CDKN2A: variants seen among roughly 807,000 people sequenced by gnomAD.
CDKN2A encodes the protein cyclin dependent kinase inhibitor 2A.
In CDKN2A, 3 loss-of-function variants were observed where a neutral mutation model predicts 11.1. That is an observed-to-expected ratio of 0.27 (90% confidence interval 0.12 to 0.70). The LOEUF is 0.70. CDKN2A is among the 30% of genes least tolerant of loss of function. CDKN2A has a pLI of 0.77. For missense variants in CDKN2A, 265 were observed against 233.6 expected, an observed-to-expected ratio of 1.13 and a Z score of -0.88; for synonymous variants, 122 against 108.1, an observed-to-expected ratio of 1.13 and a Z score of -0.80.
At chr9:21,979,695 T>TA (rs1484632962), upstream of CDKN2A, among the ~76,000 whole-genome samples, 4 of 152,206 alleles carry the variant, frequency 2.6e-5, no homozygotes, top group Middle Eastern at 3.4e-3. Context: ...AGTTTGAGAA[T>TA]CGTAAAGGTT....
chr9:21,972,398 A>AT (rs1189851544), intron 1 of CDKN2A, among the ~76,000 whole-genome samples: 1 of 152,208 alleles, frequency 6.6e-6, no homozygotes, highest in Non-Finnish European at 1.5e-5. Context: ...AAGTGTTTTT[A>AT]TTAGAGGGTC....
rs890179220 is a variant in CDKN2A at position 21,971,274 on chromosome 9, T to C, written c.151-66A>G. 3.4e-5 allele frequency: 52 copies of C among 1,551,970 alleles called. No homozygotes were observed. The highest frequency in any genetic ancestry group is 4.4e-5 in the Non-Finnish European group (51 of 1,156,720). On this transcript the variant is annotated intron_variant, in intron 1 of 2. Coordinates refer to ENST00000304494, the MANE Select transcript of CDKN2A (RefSeq NM_000077.5). Reference sequence around the variant, plus strand: ...CGGCATGACGGAAAGGAAGCTTGTGTAGAGCCCCCTCACCGCCAAGCAGAC... The same window carrying C: ...CGGCATGACGGAAAGGAAGCTTGTGCAGAGCCCCCTCACCGCCAAGCAGAC...
chr9:21,974,831 G>A lies in CDKN2A; in HGVS notation c.-4C>T, dbSNP rs2131114349. Reference sequence around the variant, plus strand: ...TGCTCCCCGCCGCCGGCTCCATGCTGCTCCCCGCCGCCCGCTGCCTGCTCT... The same window carrying A: ...TGCTCCCCGCCGCCGGCTCCATGCTACTCCCCGCCGCCCGCTGCCTGCTCT... On this transcript the variant is annotated 5_prime_UTR_variant, in exon 1 of 3. Coordinates refer to ENST00000304494, the MANE Select transcript of CDKN2A (RefSeq NM_000077.5). The surrounding 1 kb of genome is among the most constrained non-coding windows in gnomAD (Gnocchi z 5.2). 6.3e-7 allele frequency: 1 copy of A among 1,581,160 alleles called. No individual in the cohort carries two copies. The highest frequency in any genetic ancestry group is 1.8e-5 in the Admixed American group (1 of 56,494).
chr9:21,976,725 A>AAAAGAAAG (rs369840404), upstream of CDKN2A, among the ~76,000 whole-genome samples: 1 of 152,090 alleles, frequency 6.6e-6, no homozygotes, highest in Admixed American at 6.6e-5. Flanking sequence ...TCTCAAGAAA[A>AAAAGAAAG]AAAGAAAGAA....
At chr9:21,973,910 A>G (rs1209887548) in intron 1 of CDKN2A, among the ~76,000 whole-genome samples, 1 of 151,956 alleles carries the variant, frequency 6.6e-6, no homozygotes, top group Non-Finnish European at 1.5e-5. Flanking sequence ...CTTTCTTTCG[A>G]CAAAGTCTCA....
chr9:21,978,329 T>C (rs545900373), upstream of CDKN2A, among the ~76,000 whole-genome samples: 14 of 152,114 alleles, frequency 9.2e-5, no homozygotes, highest in Admixed American at 3.3e-4. Context: ...ACTTTCCTAG[T>C]TTTTCTGTTA....
In CDKN2A at chr9:21,994,306, A is replaced by T. The variant is rs876659353; in HGVS notation, c.-175-253T>A. On this transcript the variant is annotated intron_variant, in intron 1 of 3. Transcript: ENST00000494262. ...CGGGCCGCACGCGCGCCGAATCCGG[A>T]GGGTCACCAAGAACCTGCGCACCAT... 1 of 1,604,716 alleles carries T rather than the reference A, an allele frequency of 6.2e-7. No individual in the cohort carries two copies. The highest frequency in any genetic ancestry group is 8.5e-7 in the Non-Finnish European group (1 of 1,176,408).
At chr9:21,971,505 G>A in intron 1 of CDKN2A, 1 of 530,730 alleles carries the variant, frequency 1.9e-6, no homozygotes, top group Non-Finnish European at 3.1e-6. Flanking sequence ...TTTACTCCAG[G>A]CTAACTTCCT....
At chr9:21,980,733 G>A (rs1185194329) in intron 2 of CDKN2A, among the ~76,000 whole-genome samples, 1 of 151,510 alleles carries the variant, frequency 6.6e-6, no homozygotes, top group Non-Finnish European at 1.5e-5. Context: ...GCCGAGGCGG[G>A]CGGATCACGA....
upstream of CDKN2A, chr9:21,974,991 G>T: frequency 7.2e-7 from 1 of 1,389,144 alleles, no homozygotes; most frequent in Non-Finnish European, 9.3e-7. This position sits in a 1 kb window ranked among gnomAD's most constrained non-coding sequence, Gnocchi z 5.2. Context: ...TGGAGGGACC[G>T]CGGTATCTTT....
rs1272377993 is a variant in CDKN2A at position 21,988,774 on chromosome 9, C to A, written c.-4+5108G>T. Reference sequence around the variant, plus strand: ...TAAATAAAAGTTGAAAAAAAATCTACGAGGCACTATATTTTTAAAAATACC... The same window carrying A: ...TAAATAAAAGTTGAAAAAAAATCTAAGAGGCACTATATTTTTAAAAATACC... On this transcript the variant is annotated intron_variant, in intron 2 of 3. Coordinates refer to the CDKN2A transcript ENST00000494262. This position sits in a 1 kb window ranked among gnomAD's most constrained non-coding sequence, Gnocchi z 4.1. 6.6e-6 allele frequency among the ~76,000 whole-genome samples: 1 copy of A among 152,082 alleles called. No individual in the cohort carries two copies. Among genetic ancestry groups the A allele is most frequent in the African/African-American group, 2.4e-5 (1 of 41,416 alleles).
upstream of CDKN2A, among the ~76,000 whole-genome samples, chr9:21,978,984 C>G (rs1820108788): frequency 6.6e-6 from 1 of 152,142 alleles, no homozygotes. Flanking sequence ...ATGTAACGCT[C>G]TTAGAAGAGC....
upstream of CDKN2A, among the ~76,000 whole-genome samples, chr9:21,978,265 A>AAAT (rs1196884286): frequency 6.6e-6 from 1 of 151,998 alleles, no homozygotes; most frequent in Non-Finnish European, 1.5e-5. Context: ...CTTAAAGTAT[A>AAAT]AATAATAATA....
intron 1 of CDKN2A, among the ~76,000 whole-genome samples, chr9:21,972,670 C>A (rs1158971974): frequency 6.6e-6 from 1 of 152,168 alleles, no homozygotes; most frequent in East Asian, 1.9e-4. Context: ...TAAAACACTT[C>A]CCAGGTTTAT....
In CDKN2A at chr9:21,988,823, T is replaced by C. The variant is rs1820359939; in HGVS notation, c.-4+5059A>G. Among the ~76,000 whole-genome samples, 1 of 152,256 alleles carries C rather than the reference T, an allele frequency of 6.6e-6. No individual in the cohort carries two copies. The highest frequency in any genetic ancestry group is 6.5e-5 in the Admixed American group (1 of 15,280). On this transcript the variant is annotated intron_variant, in intron 2 of 3. Transcript: ENST00000494262. This position sits in a 1 kb window ranked among gnomAD's most constrained non-coding sequence, Gnocchi z 4.1. ...CCACTATGTACAAGGCACTGTGCTA[T>C]ATCTGGAACTACAAATATTAGTTAA... is the stretch of plus-strand genomic sequence containing the variant.
intron 1 of CDKN2A, chr9:21,994,493 G>T (rs1259411175): frequency 1.3e-5 from 18 of 1,426,890 alleles, no homozygotes; most frequent in Non-Finnish European, 1.6e-5. Flanking sequence ...CCCTGAGCGC[G>T]CCCGCCCCCC....
intron 2 of CDKN2A, among the ~76,000 whole-genome samples, chr9:21,982,621 A>T (rs1820219759): frequency 6.6e-6 from 1 of 152,100 alleles, no homozygotes; most frequent in Non-Finnish European, 1.5e-5. Flanking sequence ...TATGTATATT[A>T]TGTACAGCAC....
At position 21,988,910 on chromosome 9, in the gene CDKN2A, C is replaced by G. The variant is rs1444846867; in HGVS notation, c.-4+4972G>C. ...ATTTGCCATTCCCTTTAGATGGAAA[C>G]GTTCTTTGGTCCACCAAGCCCTATC... On this transcript the variant is annotated intron_variant, in intron 2 of 3. Transcript: ENST00000494262. The surrounding 1 kb of genome is among the most constrained non-coding windows in gnomAD (Gnocchi z 4.1). 6.6e-6 allele frequency among the ~76,000 whole-genome samples: 1 copy of G among 152,172 alleles called. No individual in the cohort carries two copies. The highest frequency in any genetic ancestry group is 2.4e-5 in the African/African-American group (1 of 41,436).
chr9:21,974,924 C>T (rs1819975655), upstream of CDKN2A: 1 of 1,430,794 alleles, frequency 7.0e-7, no homozygotes, highest in Non-Finnish European at 9.1e-7. This position sits in a 1 kb window ranked among gnomAD's most constrained non-coding sequence, Gnocchi z 5.2. Context: ...AGCCCCTCCT[C>T]TTTCTTCCTC....
Sources: allele counts gnomAD v4.1 joint callset (sites outside exome capture counted in the v4.1 genomes callset), GRCh38; gene constraint gnomAD v4.1.1; non-coding constraint Gnocchi (gnomAD v3.1); transcripts MANE v1.5; gene names NCBI Gene and HGNC (gene_info 2026-07-23, HGNC 2026-07-21).